Variants in ELMO1 observed in about 807,000 individuals in gnomAD.
The protein encoded by ELMO1 is engulfment and cell motility protein 1.
Under a neutral mutation model 98.9 loss-of-function variants are expected in ELMO1, and 26 were observed. The ratio of observed to expected loss-of-function variants is 0.26; its 90% CI spans 0.19 to 0.36. The LOEUF is 0.36. ELMO1 is among the 10% of genes least tolerant of loss of function. The pLI, the probability that ELMO1 is intolerant of heterozygous loss-of-function variation, is 1.00. For missense variants in ELMO1, 627 were observed against 935.2 expected (o/e 0.67, Z 4.30); for synonymous variants, 346 against 346.0 (o/e 1.00, Z 0.00).
chr7:37,248,502 G>A (rs1795144244), intron 6 of ELMO1, among the ~76,000 whole-genome samples: 1 of 152,212 alleles, frequency 6.6e-6, no homozygotes, highest in African/African-American at 2.4e-5. Context: ...AGCCCAAGAA[G>A]GTTGGCCTCT....
At chr7:37,424,677 T>C (rs1804631914) in intron 1 of ELMO1, among the ~76,000 whole-genome samples, 1 of 152,120 alleles carries the variant, frequency 6.6e-6, no homozygotes, top group Admixed American at 6.5e-5. Flanking sequence ...CCTACAGAGA[T>C]GATTTTCAAA....
In ELMO1 at chr7:37,299,784, G is replaced by T. The variant is rs1266401802; in HGVS notation, c.192+15066C>A. Among the ~76,000 whole-genome samples, 70 of 32,576 alleles carry T rather than the reference G, an allele frequency of 2.1e-3. 11 individuals are homozygous for T. The highest frequency in any genetic ancestry group is 3.9e-3 in the African/African-American group (63 of 16,348). 21.4% of individuals were successfully genotyped at this position (32,576 alleles called of 152,430 possible). On this transcript the variant is annotated intron_variant, in intron 4 of 21. Coordinates refer to ENST00000310758, the MANE Select transcript of ELMO1 (RefSeq NM_014800.11). ...TTGGTTCCATATGAACTTTAAAGTA[G>T]TTTTTTCCAATTCTGTGAAGAAAGT... is the stretch of plus-strand genomic sequence containing the variant.
At chr7:37,218,089 G>T (rs1265954126) in intron 10 of ELMO1, among the ~76,000 whole-genome samples, 2 of 152,188 alleles carry the variant, frequency 1.3e-5, no homozygotes, top group African/African-American at 4.8e-5. Context: ...AGGCCCACTG[G>T]TGGTGGTTTT....
chr7:36,996,467 G>A lies in ELMO1; in HGVS notation c.1437+16832C>T, dbSNP rs188338556. On this transcript the variant is annotated intron_variant, in intron 16 of 21. Coordinates refer to ENST00000310758, the MANE Select transcript of ELMO1 (RefSeq NM_014800.11). Reference sequence around the variant, plus strand: ...CACTCTGGGGTAGAAAGGTGAGTGAGAATCAGTCCTGGTTCTTAGGGGTAG... The same window carrying A: ...CACTCTGGGGTAGAAAGGTGAGTGAAAATCAGTCCTGGTTCTTAGGGGTAG... Among the ~76,000 whole-genome samples, 6 of 152,280 alleles carry A rather than the reference G, an allele frequency of 3.9e-5. No individual in the cohort carries two copies. In the East Asian group the frequency reaches 1.2e-3, roughly 29 times the overall value.
At position 37,142,373 on chromosome 7, in the gene ELMO1, G is replaced by T. The variant is rs1787697572; in HGVS notation, c.1087-9139C>A. 3.3e-5 allele frequency among the ~76,000 whole-genome samples: 5 copies of T among 152,236 alleles called. No homozygotes were observed. In the South Asian group the frequency reaches 1.0e-3, roughly 32 times the overall value. On this transcript the variant is annotated intron_variant, in intron 13 of 21. Transcript: ENST00000310758. ...TTAACATTTGCTAAGTACATTCTGG[G>T]TGTTAGCACTATTTTGTACTTTACA...
chr7:37,158,603 G>C lies in ELMO1; in HGVS notation c.1087-25369C>G, dbSNP rs1035399810. On this transcript the variant is annotated intron_variant, in intron 13 of 21. Transcript: ENST00000310758. ...GAAATGCAAATCAAAACCACAATGA[G>C]ATACCATCTCACACCAGTTAGAATG... 5.9e-5 allele frequency among the ~76,000 whole-genome samples: 9 copies of C among 152,148 alleles called. No homozygotes were observed. In the East Asian group the frequency reaches 1.7e-3, roughly 29 times the overall value.
At chr7:36,900,713 C>T (rs773895381) in intron 16 of ELMO1, among the ~76,000 whole-genome samples, 5 of 152,156 alleles carry the variant, frequency 3.3e-5, no homozygotes, top group Non-Finnish European at 7.3e-5. Context: ...GTACAATCTA[C>T]CCCCAACCAG....
intron 1 of ELMO1, among the ~76,000 whole-genome samples, chr7:37,431,956 A>G (rs1217343406): frequency 1.3e-5 from 2 of 152,176 alleles, no homozygotes; most frequent in Non-Finnish European, 2.9e-5. Context: ...ATCTCAGCTC[A>G]CCACAGCCTC....
At chr7:37,112,108 A>G (rs1175103918) in intron 14 of ELMO1, among the ~76,000 whole-genome samples, 4 of 152,194 alleles carry the variant, frequency 2.6e-5, no homozygotes, top group Non-Finnish European at 4.4e-5. Flanking sequence ...AAAGAGGAAC[A>G]CAACCCTGTT....
chr7:36,951,121 T>A (rs1787928957), intron 16 of ELMO1, among the ~76,000 whole-genome samples: 1 of 152,218 alleles, frequency 6.6e-6, no homozygotes, highest in Non-Finnish European at 1.5e-5. Context: ...CTCCATTTAC[T>A]GCTTGGACCT....
intron 5 of ELMO1, among the ~76,000 whole-genome samples, chr7:37,268,633 A>G (rs1796388130): frequency 1.3e-5 from 2 of 152,204 alleles, no homozygotes; most frequent in Admixed American, 1.3e-4. Flanking sequence ...ATAGATAAAG[A>G]TACCACACTA....
At chr7:37,248,151 T>C (rs4457222) in intron 6 of ELMO1, among the ~76,000 whole-genome samples, 2,774 of 151,362 alleles carry the variant, frequency 0.018, 100 homozygotes, top group South Asian at 0.18. Flanking sequence ...AGAAGAGAAA[T>C]TTTTGTTGCA....
In ELMO1 at chr7:37,039,659, G is replaced by A. The variant is rs1795389826; in HGVS notation, c.1301-26224C>T. Among the ~76,000 whole-genome samples the A allele has an allele frequency of 2.6e-5, 4 of 152,266 alleles. 1 individual carries two copies. The highest frequency in any genetic ancestry group is 2.6e-4 in the Admixed American group (4 of 15,302). ...TTTCAGTCTGCACCTTCTCCTCAGG[G>A]GAAAATTTTCTTTTTTAGCCTGAGG... On this transcript the variant is annotated intron_variant, in intron 15 of 21. Transcript: ENST00000310758.
intron 16 of ELMO1, among the ~76,000 whole-genome samples, chr7:36,906,732 A>G (rs572976337): frequency 6.6e-6 from 1 of 152,174 alleles, no homozygotes; most frequent in East Asian, 1.9e-4. Context: ...CAAGTGAACT[A>G]TGATGATACC....
In ELMO1 at chr7:36,970,180, A is replaced by AACACACACACACACACACACAC. The variant is rs56928749; in HGVS notation, c.1437+43097_1437+43118dup. Among the ~76,000 whole-genome samples the AACACACACACACACACACACAC allele has an allele frequency of 2.3e-4, 33 of 144,350 alleles. 1 individual carries two copies. The highest frequency in any genetic ancestry group is 3.7e-4 in the Non-Finnish European group (24 of 65,734). The allele number at this position is 144,350 out of a possible 152,430, so 94.7% of individuals were successfully genotyped here. A position where few individuals can be genotyped will look rare whatever the true frequency, so the allele number is the denominator to read the frequency against. On this transcript the variant is annotated intron_variant, in intron 16 of 21. Coordinates refer to ENST00000310758, the MANE Select transcript of ELMO1 (RefSeq NM_014800.11). The stretch of plus-strand genomic sequence containing the variant: ...CACACACAAATACATTCATACACTT[A>AACACACACACACACACACACAC]ACACACACACACACACACACACACA...
intron 16 of ELMO1, among the ~76,000 whole-genome samples, chr7:36,987,725 C>A (rs1210920088): frequency 1.3e-5 from 2 of 152,158 alleles, no homozygotes; most frequent in African/African-American, 4.8e-5. Flanking sequence ...AAATGAAGCT[C>A]AGTATAAACC....
intron 4 of ELMO1, among the ~76,000 whole-genome samples, chr7:37,290,448 G>A (rs1797617585): frequency 2.0e-5 from 3 of 152,102 alleles, no homozygotes; most frequent in African/African-American, 7.2e-5. Flanking sequence ...ATACATCTCA[G>A]TGTATTTGCA....
intron 16 of ELMO1, among the ~76,000 whole-genome samples, chr7:36,959,756 C>A (rs1323381307): frequency 1.3e-5 from 2 of 152,238 alleles, no homozygotes; most frequent in African/African-American, 4.8e-5. Flanking sequence ...TCTCGGCTCA[C>A]TGCAACCTCT....
rs149099965 is a variant in ELMO1 at position 37,322,752 on chromosome 7, G to A, written c.79-6792C>T. Among the ~76,000 whole-genome samples the A allele has an allele frequency of 4.3e-3, 653 of 152,140 alleles. 4 individuals are homozygous for A. Among genetic ancestry groups the A allele is most frequent in the Non-Finnish European group, 6.8e-3 (463 of 67,984 alleles). On this transcript the variant is annotated intron_variant, in intron 2 of 21. Transcript: ENST00000310758. The stretch of plus-strand genomic sequence containing the variant: ...CAGGAAGCAGAGGTCGCAGTGAGCC[G>A]AGATAGTACCACCGTGCCAAGATAG...
Sources: gnomAD v4.1 joint callset for allele counts (sites outside exome capture counted in the v4.1 genomes callset) on GRCh38, gnomAD v4.1.1 for gene constraint, MANE v1.5 for transcripts, NCBI Gene and HGNC (gene_info 2026-07-23, HGNC 2026-07-21) for gene names.